Variants in KRT35 observed in about 807,000 individuals in gnomAD.
KRT35 encodes keratin 35.
Under a neutral mutation model 42.2 loss-of-function variants are expected in KRT35, and 33 were observed. The observed-to-expected ratio is 0.78, with a 90% CI of 0.59 to 1.05. The LOEUF is 1.05. KRT35 is among the 50% of genes least tolerant of loss of function. KRT35 has a pLI of 0.00. For synonymous variants in KRT35, 218 were observed against 238.2 expected (o/e 0.92, Z 0.78); for missense variants, 585 against 589.2 (o/e 0.99, Z 0.07).
At chr17:41,479,321 G>T (rs140624563) in intron 3 of KRT35, 26 bp downstream of exon 3, 1 of 1,601,112 alleles carries the variant, frequency 6.2e-7, no homozygotes, top group Non-Finnish European at 8.5e-7. Context: ...CTGCTGTGCC[G>T]TGTTCACCTT....
At chr17:41,477,471 T>C in intron 6 of KRT35, 47 bp downstream of exon 6, 9 of 1,605,636 alleles carry the variant, frequency 5.6e-6, no homozygotes, top group Non-Finnish European at 7.7e-6. Context: ...TTCCCAGAAC[T>C]TGGTAGATTG....
At position 41,477,541 on chromosome 17, in the gene KRT35, G is replaced by T. The variant is rs2144469595; in HGVS notation, c.1197C>A (p.Gly399=). The part of the protein sequence containing the change: ...RLECEINTYR[G]LLESEDSKLP... ...ACTTGCTGTCCTCACTCTCCAGCAG[G>T]CCCCGGTACGTGTTGATCTCACACT... The change falls in exon 6 of 7, where the codon GGC becomes GGA. Residue 399 remains glycine (G), a synonymous_variant. Transcript: ENST00000246639. 1.2e-6 allele frequency: 2 copies of T among 1,613,562 alleles called. No homozygotes were observed. The highest frequency in any genetic ancestry group is 1.7e-6 in the Non-Finnish European group (2 of 1,180,032).
intron 1 of KRT35, 126 bp from the exon 2 acceptor site, chr17:41,479,907 T>C: frequency 1.4e-6 from 1 of 715,922 alleles, no homozygotes; most frequent in Non-Finnish European, 2.4e-6. Context: ...CTACTCCATG[T>C]GCATTGGAGT....
In KRT35 at chr17:41,480,842, C is replaced by A. The variant is rs757128527; in HGVS notation, c.256G>T (p.Gly86Cys). 7.4e-5 allele frequency: 120 copies of A among 1,614,010 alleles called. No individual in the cohort carries two copies. The highest frequency in any genetic ancestry group is 6.6e-4 in the Middle Eastern group (4 of 6,084). ...GTGAGGATGCCCTCCCCAAACCAGC[C>A]CCCACCCCCACTGTAGCTGGTAGCG... ...GFATSYSGGG[G>C]WFGEGILTGN... The change falls in exon 1 of 7, where the codon GGC (glycine) becomes TGC (cysteine). Residue 86 changes from glycine to cysteine, a missense_variant. By Grantham distance (159) the Gly-to-Cys change is radical. Coordinates refer to ENST00000246639, the MANE Select transcript of KRT35 (RefSeq NM_002280.6).
rs370694468 is a variant in KRT35 at position 41,477,089 on chromosome 17, G to A, written c.1335C>T (p.Pro445=). The A allele has an allele frequency of 5.4e-5, 87 of 1,596,966 alleles. No homozygotes were observed. The African/African-American group carries it at 9.9e-4, about 18-fold the overall frequency. Residue 445 remains proline, a synonymous_variant, in exon 7 of 7, where the codon CCC becomes CCT. Coordinates refer to ENST00000246639, the MANE Select transcript of KRT35 (RefSeq NM_002280.6). ...SAARTNCSPR[P]ICVPCPGGRF is the part of the protein sequence containing the mutation. ...GACCCCCTGGGCAGGGCACACAAAT[G>A]GGGCGGGGGCTGCAGTTTGTGCGGG...
rs776117115 is a variant in KRT35 at position 41,477,175 on chromosome 17, A to T, written c.1249T>A (p.Tyr417Asn). 6.2e-7 allele frequency: 1 copy of T among 1,613,944 alleles called. No individual in the cohort carries two copies. The highest frequency in any genetic ancestry group is 2.2e-5 in the East Asian group (1 of 44,884). ...KLPCNPCAPD[Y>N]SPSKSCLPCL... Reference sequence around the variant, plus strand: ...GGAAGGCATGACTTGGAGGGTGAGTAGTCAGGTGCACATGGGTTACAGGGG... The same window carrying T: ...GGAAGGCATGACTTGGAGGGTGAGTTGTCAGGTGCACATGGGTTACAGGGG... Residue 417 changes from tyrosine to asparagine, a missense_variant, in exon 7 of 7, where the codon TAC becomes AAC. Physicochemically the swap from Tyr to Asn is moderately radical, Grantham distance 143. Coordinates refer to ENST00000246639, the MANE Select transcript of KRT35 (RefSeq NM_002280.6).
chr17:41,481,064 A>C lies in KRT35; in HGVS notation c.34T>G (p.Ser12Ala). Residue 12 changes from serine (S) to alanine (A), a missense_variant, in exon 1 of 7, where the codon TCT (serine) becomes GCT (alanine). By Grantham distance (99) the Ser-to-Ala change is moderately conservative (BLOSUM62 1). Transcript: ENST00000246639. The part of the protein sequence containing the change: ...ASKCLKAGFS[S>A]GSLKSPGGAS... ...CCTCCTGGGCTCTTGAGAGACCCAG[A>C]AGAGAAGCCGGCCTTGAGGCATTTG... 1.2e-6 allele frequency: 2 copies of C among 1,612,608 alleles called. No individual in the cohort carries two copies. The highest frequency in any genetic ancestry group is 1.7e-6 in the Non-Finnish European group (2 of 1,179,518).
chr17:41,477,792 G>A (rs1050693806), intron 5 of KRT35, 54 bp from the exon 6 acceptor site: 1 of 1,556,576 alleles, frequency 6.4e-7, no homozygotes. Context: ...CAGAGAAGGA[G>A]CAAGGAAGGA....
chr17:41,478,463 C>A lies in KRT35; in HGVS notation c.897G>T (p.Val299=). The change falls in exon 5 of 7, where the codon GTG becomes GTT. Residue 299 remains valine, a synonymous_variant. Transcript: ENST00000246639. ...DTQSEELNQQ[V]VSSSEQLQSC... ...ACTGCAACTGCTCTGAGCTGGACAC[C>A]ACCTGCTGGTTCAGCTCCTCACTCT... 1 of 1,614,026 alleles carries A rather than the reference C, an allele frequency of 6.2e-7. No individual in the cohort carries two copies. Among genetic ancestry groups the A allele is most frequent in the Non-Finnish European group, 8.5e-7 (1 of 1,179,946 alleles).
At position 41,480,836 on chromosome 17, in the gene KRT35, A is replaced by G; in HGVS notation, c.262T>C (p.Phe88Leu). Residue 88 changes from phenylalanine (F) to leucine (L), a missense_variant, in exon 1 of 7, where the codon TTT (phenylalanine) becomes CTT (leucine). By Grantham distance (22) the Phe-to-Leu change is conservative. Coordinates refer to ENST00000246639, the MANE Select transcript of KRT35 (RefSeq NM_002280.6). The part of the protein sequence containing the change: ...ATSYSGGGGW[F>L]GEGILTGNEK... Reference sequence around the variant, plus strand: ...TTGCCAGTGAGGATGCCCTCCCCAAACCAGCCCCCACCCCCACTGTAGCTG... The same window carrying G: ...TTGCCAGTGAGGATGCCCTCCCCAAGCCAGCCCCCACCCCCACTGTAGCTG... The G allele has an allele frequency of 1.2e-6, 2 of 1,614,056 alleles. No individual in the cohort carries two copies. The highest frequency in any genetic ancestry group is 1.7e-6 in the Non-Finnish European group (2 of 1,179,988).
rs751485990 is a variant in KRT35, at chr17:41,480,840, G to T, written c.258C>A (p.Gly86=). Reference sequence around the variant, plus strand: ...CAGTGAGGATGCCCTCCCCAAACCAGCCCCCACCCCCACTGTAGCTGGTAG... The same window carrying T: ...CAGTGAGGATGCCCTCCCCAAACCATCCCCCACCCCCACTGTAGCTGGTAG... The part of the protein sequence containing the change: ...GFATSYSGGG[G]WFGEGILTGN... Residue 86 remains glycine, a synonymous_variant, in exon 1 of 7, where the codon GGC becomes GGA. Transcript: ENST00000246639. 25 of 1,613,640 alleles carry T rather than the reference G, an allele frequency of 1.5e-5. No homozygotes were observed. The highest frequency in any genetic ancestry group is 1.6e-4 in the Middle Eastern group (1 of 6,084).
At chr17:41,478,802 C>T in intron 4 of KRT35, 32 bp downstream of exon 4, 1 of 1,594,138 alleles carries the variant, frequency 6.3e-7, no homozygotes, top group Non-Finnish European at 8.6e-7. Flanking sequence ...CACCACATAC[C>T]CCTGTTGCAC....
rs2144475750 is a variant in KRT35, at chr17:41,480,668, A to G, written c.430T>C (p.Tyr144His). ...TCGATGGTCCGGAAGTAGGACTGGT[A>G]GTCAGGGCACATGTAGGGGACCTGC... ...EQQVPYMCPD[Y>H]QSYFRTIEEL... Residue 144 changes from tyrosine (Y) to histidine (H), a missense_variant, in exon 1 of 7, where the codon TAC (tyrosine) becomes CAC (histidine). Physicochemically the swap from Tyr to His is moderately conservative, Grantham distance 83. Transcript: ENST00000246639. 1.2e-6 allele frequency: 2 copies of G among 1,614,206 alleles called. No homozygotes were observed. Among genetic ancestry groups the G allele is most frequent in the South Asian group, 1.1e-5 (1 of 91,086 alleles).
In KRT35 at chr17:41,478,931, G is replaced by A. The variant is rs373991568; in HGVS notation, c.776C>T (p.Pro259Leu). 1.9e-6 allele frequency: 3 copies of A among 1,613,942 alleles called. No individual in the cohort carries two copies. The highest frequency in any genetic ancestry group is 1.7e-6 in the Non-Finnish European group (2 of 1,179,994). Reference sequence around the variant, plus strand: ...CTCCAGAACTCGGTTCAGGTCAACAGGTGGGGCAGCGTCCACCTCAACATT... The same window carrying A: ...CTCCAGAACTCGGTTCAGGTCAACAAGTGGGGCAGCGTCCACCTCAACATT... ...RLNVEVDAAP[P>L]VDLNRVLEEM... Residue 259 changes from proline (P) to leucine (L), a missense_variant, in exon 4 of 7, where the codon CCT (proline) becomes CTT (leucine). Transcript: ENST00000246639.
rs200183340 is a variant in KRT35 at position 41,481,110 on chromosome 17, T to C, written c.-13A>G. ...ATTTGGAAGCCATGGCCCCTGCAAC[T>C]CAGATGCAATTGATAGGTCTCTGAG... On this transcript the variant is annotated 5_prime_UTR_variant, in exon 1 of 7. Transcript: ENST00000246639. 4 of 1,575,662 alleles carry C rather than the reference T, an allele frequency of 2.5e-6. No individual in the cohort carries two copies. The highest frequency in any genetic ancestry group is 3.5e-6 in the Non-Finnish European group (4 of 1,159,308).
intron 6 of KRT35, 128 bp downstream of exon 6, chr17:41,477,390 A>G (rs1031660846): frequency 7.2e-7 from 1 of 1,395,440 alleles, no homozygotes; most frequent in Non-Finnish European, 9.7e-7. Context: ...ATGAGTTTTC[A>G]GGAAGACCAG....
intron 1 of KRT35, 84 bp from the exon 2 acceptor site, chr17:41,479,865 G>T: frequency 9.1e-7 from 1 of 1,097,310 alleles, no homozygotes; most frequent in Non-Finnish European, 1.4e-6. Flanking sequence ...GGCTGACTCT[G>T]GAAGGAGGAA....
At chr17:41,478,552 G>T (rs1198839230) in intron 4 of KRT35, 66 bp from the exon 5 acceptor site, 14 of 1,565,428 alleles carry the variant, frequency 8.9e-6, no homozygotes, top group Non-Finnish European at 1.2e-5. Context: ...AGCTACAGAG[G>T]CCGGTTAGAA....
chr17:41,476,849 T>A lies in KRT35; in HGVS notation c.*207A>T, dbSNP rs774581961. On this transcript the variant is annotated 3_prime_UTR_variant, in exon 7 of 7. Coordinates refer to ENST00000246639, the MANE Select transcript of KRT35 (RefSeq NM_002280.6). Reference sequence around the variant, plus strand: ...GAGACCCTGGCACCCATTGAAATGATGAGGAGTTGAGACCTTTGGGGGCAG... The same window carrying A: ...GAGACCCTGGCACCCATTGAAATGAAGAGGAGTTGAGACCTTTGGGGGCAG... 5.0e-5 allele frequency: 24 copies of A among 483,788 alleles called. No individual in the cohort carries two copies. The highest frequency in any genetic ancestry group is 6.4e-5 in the Non-Finnish European group (18 of 280,034). 30.0% of individuals were successfully genotyped at this position (483,788 alleles called of 1,614,324 possible).
Sources: gnomAD v4.1 joint callset for allele counts on GRCh38, gnomAD v4.1.1 for gene constraint, MANE v1.5 for transcripts, NCBI Gene and HGNC (gene_info 2026-07-23, HGNC 2026-07-21) for gene names.